CD86: variants seen among roughly 807,000 people sequenced by gnomAD.
CD86 encodes T-lymphocyte activation antigen CD86.
A neutral mutation model predicts 32.1 loss-of-function variants in CD86; 11 were observed. That is an observed-to-expected ratio of 0.34 (90% CI 0.22 to 0.57). The LOEUF is 0.57. CD86 is among the 20% of genes least tolerant of loss of function. The probability of loss-of-function intolerance (pLI) is 0.86; values close to 1 mark genes in which losing one functional copy is unlikely to be tolerated. For synonymous variants in CD86, 137 were observed against 135.3 expected (o/e 1.01, Z -0.09); for missense variants, 359 against 398.4 (o/e 0.90, Z 0.84).
At chr3:122,083,529 T>A (rs550018659) in intron 1 of CD86, among the ~76,000 whole-genome samples, 1 of 152,344 alleles carries the variant, frequency 6.6e-6, no homozygotes, top group East Asian at 1.9e-4. Flanking sequence ...CTTGGTATGT[T>A]ACAAACTGTC....
intron 1 of CD86, among the ~76,000 whole-genome samples, chr3:122,077,178 G>T (rs2072566909): frequency 6.6e-6 from 1 of 152,146 alleles, no homozygotes; most frequent in African/African-American, 2.4e-5. Flanking sequence ...TGCAGTGCCT[G>T]ATCAGGGCAG....
At position 122,080,827 on chromosome 3, in the gene CD86, G is replaced by T. The variant is rs181248936; in HGVS notation, c.15-10774G>T. Among the ~76,000 whole-genome samples the T allele has an allele frequency of 4.0e-3, 614 of 152,244 alleles. 3 individuals carry two copies. Among genetic ancestry groups the T allele is most frequent in the Middle Eastern group, 0.014 (4 of 294 alleles). ...GAAAACAGAGCTCAGGATGGAGGAC[G>T]TCTCCACCTCCAGTCATGTCCTCTG... On this transcript the variant is annotated intron_variant, in intron 1 of 6. Coordinates refer to ENST00000330540, the MANE Select transcript of CD86 (RefSeq NM_175862.5).
At chr3:122,069,899 T>A (rs1364889514) in intron 1 of CD86, among the ~76,000 whole-genome samples, 4 of 152,202 alleles carry the variant, frequency 2.6e-5, no homozygotes, top group Admixed American at 1.3e-4. Context: ...ATCCTTCTCA[T>A]CTTCCTCATT....
intron 1 of CD86, among the ~76,000 whole-genome samples, chr3:122,081,198 G>A (rs1156477646): frequency 1.3e-5 from 2 of 152,102 alleles, no homozygotes; most frequent in Non-Finnish European, 2.9e-5. Flanking sequence ...TTTATCCAAA[G>A]ACAACCTCTG....
chr3:122,080,373 C>CTAG (rs2072615018), intron 1 of CD86, among the ~76,000 whole-genome samples: 2 of 152,160 alleles, frequency 1.3e-5, no homozygotes, highest in Non-Finnish European at 2.9e-5. Context: ...ATTCTAGATA[C>CTAG]AACTCGGAGA....
At chr3:122,118,151 T>TCAAGTAACAGGC in intron 6 of CD86, 58 bp downstream of exon 6, 3 of 1,406,220 alleles carry the variant, frequency 2.1e-6, no homozygotes, top group Non-Finnish European at 3.0e-6. Flanking sequence ...GAGTGCCTGT[T>TCAAGTAACAGGC]ACTTGAATAG....
chr3:122,063,233 T>C (rs1168281498), intron 1 of CD86, among the ~76,000 whole-genome samples: 1 of 152,202 alleles, frequency 6.6e-6, no homozygotes, highest in African/African-American at 2.4e-5. Flanking sequence ...ATGAACTGTA[T>C]TCAAACTTAC....
intron 1 of CD86, among the ~76,000 whole-genome samples, chr3:122,083,885 T>TA (rs1380631139): frequency 6.6e-6 from 1 of 152,244 alleles, no homozygotes; most frequent in African/African-American, 2.4e-5. Context: ...TCAGATAACA[T>TA]AAAATGTCAT....
chr3:122,085,505 C>T (rs758584412), intron 1 of CD86, among the ~76,000 whole-genome samples: 57 of 152,170 alleles, frequency 3.7e-4, no homozygotes, highest in Non-Finnish European at 7.1e-4. Context: ...AGCTTCCCAG[C>T]GTGGGTTTAG....
chr3:122,090,676 C>T (rs1309384303), intron 1 of CD86, among the ~76,000 whole-genome samples: 1 of 152,154 alleles, frequency 6.6e-6, no homozygotes, highest in Non-Finnish European at 1.5e-5. Context: ...TTGGTCACCT[C>T]TCCTTATTCT....
chr3:122,102,548 A>C (rs2073028151), intron 2 of CD86, among the ~76,000 whole-genome samples: 2 of 150,612 alleles, frequency 1.3e-5, no homozygotes, highest in African/African-American at 4.9e-5. Flanking sequence ...AAGTGTCCTC[A>C]AGGACTAAAG....
At chr3:122,115,761 A>AG in intron 5 of CD86, among the ~76,000 whole-genome samples, 1 of 149,486 alleles carries the variant, frequency 6.7e-6, no homozygotes, top group Admixed American at 6.7e-5. Flanking sequence ...AAAAAAAAAA[A>AG]AAAAAAGAAC....
intron 1 of CD86, among the ~76,000 whole-genome samples, chr3:122,074,210 C>T (rs1380446809): frequency 6.6e-6 from 1 of 152,194 alleles, no homozygotes; most frequent in African/African-American, 2.4e-5. Context: ...AGGTTGCTAC[C>T]CCCTCGGGAG....
intron 2 of CD86, among the ~76,000 whole-genome samples, chr3:122,099,841 A>G (rs913396562): frequency 1.1e-4 from 16 of 152,214 alleles, no homozygotes; most frequent in Non-Finnish European, 4.4e-5. Context: ...CATATTGTTC[A>G]GCACAGAGAC....
At chr3:122,083,330 C>T (rs2072660801) in intron 1 of CD86, among the ~76,000 whole-genome samples, 1 of 152,170 alleles carries the variant, frequency 6.6e-6, no homozygotes, top group African/African-American at 2.4e-5. Flanking sequence ...GGCCCCTGCT[C>T]ACCTCTTCAG....
intron 5 of CD86, among the ~76,000 whole-genome samples, chr3:122,114,659 C>T (rs2073223769): frequency 6.6e-6 from 1 of 152,152 alleles, no homozygotes; most frequent in African/African-American, 2.4e-5. Context: ...TATAATACAT[C>T]ATGATCAAGT....
At position 122,072,054 on chromosome 3, in the gene CD86, T is replaced by C. The variant is rs1297820398; in HGVS notation, c.14+16551T>C. 2.6e-5 allele frequency among the ~76,000 whole-genome samples: 4 copies of C among 151,666 alleles called. No homozygotes were observed. The East Asian group carries it at 5.8e-4, about 22-fold the overall frequency. On this transcript the variant is annotated intron_variant, in intron 1 of 6. Transcript: ENST00000330540. ...TTCATCCATGTCCCTACAAAGGACA[T>C]GAACTCATCATTTTTTATGGCTGCA... is the stretch of plus-strand genomic sequence containing the variant.
intron 1 of CD86, among the ~76,000 whole-genome samples, chr3:122,076,191 T>C (rs1442028145): frequency 6.6e-6 from 1 of 152,242 alleles, no homozygotes; most frequent in Non-Finnish European, 1.5e-5. Context: ...ATAAAAATAC[T>C]ATATAAATAA....
Position 122,105,413 on chromosome 3 carries a change from T to C in CD86, c.401-785T>C, listed in dbSNP as rs3804589. The stretch of plus-strand genomic sequence containing the variant: ...GACCTTTTAGTAAGAATACACTAAA[T>C]TATAAATTAGTTTGTAGAACCTGCA... On this transcript the variant is annotated intron_variant, in intron 3 of 6. Coordinates refer to ENST00000330540, the MANE Select transcript of CD86 (RefSeq NM_175862.5). Among the ~76,000 whole-genome samples the C allele has an allele frequency of 3.3e-4, 51 of 152,254 alleles. No homozygotes were observed. The East Asian group carries it at 9.2e-3, about 28-fold the overall frequency.
Sources: allele counts gnomAD v4.1 joint callset (sites outside exome capture counted in the v4.1 genomes callset), GRCh38; gene constraint gnomAD v4.1.1; transcripts MANE v1.5; gene names NCBI Gene and HGNC (gene_info 2026-07-23, HGNC 2026-07-21).